Variants in RYR2 observed in about 807,000 individuals in gnomAD.
RYR2 encodes cardiac muscle ryanodine receptor-calcium release channel.
RYR2 carries 227 observed loss-of-function variants against 601.1 expected under a neutral mutation model. That is an observed-to-expected ratio of 0.38 (90% CI 0.34 to 0.42). The LOEUF (loss-of-function observed/expected upper bound fraction) is 0.42, where lower values mean the gene tolerates loss of function less well. Ranked by LOEUF, RYR2 falls within the 10% of genes least tolerant of loss-of-function variation. The pLI is 1.00. For synonymous variants in RYR2, 2,223 were observed against 2,175.1 expected (o/e 1.02, Z -0.61); for missense variants, 4,646 against 6,156.5 (o/e 0.75, Z 8.21).
At chr1:237,806,929 G>A (rs185812246) in intron 99 of RYR2, among the ~76,000 whole-genome samples, 29 of 152,180 alleles carry the variant, frequency 1.9e-4, no homozygotes, top group Non-Finnish European at 2.8e-4. Context: ...GCACTGATCC[G>A]TTCACTTGCT....
chr1:237,680,084 A>G (rs1573489695), intron 61 of RYR2, among the ~76,000 whole-genome samples: 1 of 152,226 alleles, frequency 6.6e-6, no homozygotes, highest in East Asian at 1.9e-4. Flanking sequence ...TACCCTACAG[A>G]GCAGTTGCTA....
chr1:237,346,157 G>A (rs1169782473), intron 3 of RYR2, among the ~76,000 whole-genome samples: 3 of 151,970 alleles, frequency 2.0e-5, no homozygotes, highest in African/African-American at 7.3e-5. Context: ...CTTGAGCCCA[G>A]GAGTTCGAGA....
intron 85 of RYR2, among the ~76,000 whole-genome samples, chr1:237,771,137 C>T (rs1047942972): frequency 5.3e-5 from 8 of 151,984 alleles, no homozygotes; most frequent in Admixed American, 2.6e-4. Context: ...AGGCTGGGTG[C>T]GGTGGCTCAC....
At chr1:237,216,820 T>C (rs180774978) in intron 1 of RYR2, among the ~76,000 whole-genome samples, 275 of 151,756 alleles carry the variant, frequency 1.8e-3, no homozygotes, top group Non-Finnish European at 3.1e-3. Context: ...ATGTGTTCAA[T>C]ATACTATATA....
intron 25 of RYR2, among the ~76,000 whole-genome samples, chr1:237,536,640 G>A (rs980711803): frequency 1.6e-4 from 24 of 150,324 alleles, no homozygotes; most frequent in Non-Finnish European, 2.9e-4. Flanking sequence ...GCGTGAATCC[G>A]GGAGGCGGAG....
intron 5 of RYR2, among the ~76,000 whole-genome samples, chr1:237,364,724 A>G (rs1700059068): frequency 6.6e-6 from 1 of 152,178 alleles, no homozygotes; most frequent in South Asian, 2.1e-4. Flanking sequence ...TAATTAGCTA[A>G]CATTAAGAAT....
chr1:237,428,688 G>T (rs553059272), intron 12 of RYR2, among the ~76,000 whole-genome samples: 177 of 150,574 alleles, frequency 1.2e-3, no homozygotes, highest in African/African-American at 3.8e-3. Flanking sequence ...GATAGGTGCC[G>T]CAAACCACCA....
chr1:237,168,356 T>G (rs1001050250), intron 1 of RYR2, among the ~76,000 whole-genome samples: 1 of 152,188 alleles, frequency 6.6e-6, no homozygotes, highest in East Asian at 1.9e-4. Flanking sequence ...GTTTAGAAAC[T>G]TCATATTAGA....
chr1:237,190,945 T>G (rs545817819), intron 1 of RYR2, among the ~76,000 whole-genome samples: 6 of 152,360 alleles, frequency 3.9e-5, no homozygotes, highest in African/African-American at 1.4e-4. Context: ...TATTTTTGTT[T>G]TTGTGGCCTA....
intron 1 of RYR2, among the ~76,000 whole-genome samples, chr1:237,079,820 A>T (rs1422899049): frequency 7.2e-6 from 1 of 138,674 alleles, no homozygotes; most frequent in African/African-American, 3.3e-5. Context: ...CGCATTGCCA[A>T]GTCAATCCTA....
intron 25 of RYR2, among the ~76,000 whole-genome samples, chr1:237,539,752 G>A (rs1392465218): frequency 6.6e-6 from 1 of 152,138 alleles, no homozygotes; most frequent in East Asian, 1.9e-4. Context: ...GGCTTCACAC[G>A]TAGTTGATGG....
intron 2 of RYR2, among the ~76,000 whole-genome samples, chr1:237,322,927 G>A (rs190558416): frequency 1.2e-3 from 181 of 151,616 alleles, no homozygotes; most frequent in African/African-American, 4.2e-3. Flanking sequence ...CGTGGCTAGA[G>A]GAACTGCAAC....
intron 1 of RYR2, among the ~76,000 whole-genome samples, chr1:237,056,735 TTGCATCTGTGAGGACTGGAGC>T (rs1662176474): frequency 1.5e-5 from 1 of 66,994 alleles, no homozygotes; most frequent in African/African-American, 5.8e-5. Context: ...GACTGGAGCA[TTGCATCTGTGAGGACTGGAGC>T]ACTGCACCTG....
chr1:237,791,825 T>G, intron 93 of RYR2: 1 of 570,680 alleles, frequency 1.8e-6, no homozygotes, highest in Non-Finnish European at 3.1e-6. Flanking sequence ...TTATATTACA[T>G]TCTTTTGTAA....
At chr1:237,109,918 C>G (rs1166817356) in intron 1 of RYR2, among the ~76,000 whole-genome samples, 2 of 151,874 alleles carry the variant, frequency 1.3e-5, no homozygotes, top group African/African-American at 4.8e-5. Context: ...GAAAACTGCC[C>G]AAAATAACAG....
At chr1:237,699,320 T>C (rs894649544) in intron 64 of RYR2, among the ~76,000 whole-genome samples, 2 of 152,134 alleles carry the variant, frequency 1.3e-5, no homozygotes, top group African/African-American at 4.8e-5. Flanking sequence ...ACTCTAGAGA[T>C]CTTGTTAGCT....
intron 1 of RYR2, among the ~76,000 whole-genome samples, chr1:237,213,735 T>A (rs188640202): frequency 8.4e-4 from 128 of 152,128 alleles, no homozygotes; most frequent in Non-Finnish European, 9.7e-4. Context: ...TAGTCATATA[T>A]GTTTATCTCA....
intron 40 of RYR2, among the ~76,000 whole-genome samples, chr1:237,627,548 A>G (rs1376445315): frequency 1.3e-5 from 2 of 152,230 alleles, no homozygotes; most frequent in Non-Finnish European, 2.9e-5. Flanking sequence ...AAAAAGTGAT[A>G]TAACTGTAGC....
At chr1:237,152,160 C>T (rs1379666370) in intron 1 of RYR2, among the ~76,000 whole-genome samples, 12 of 152,150 alleles carry the variant, frequency 7.9e-5, no homozygotes, top group African/African-American at 2.4e-4. Context: ...CAGCTTCATC[C>T]ATGTCTCTGC....
Sources: gnomAD v4.1 joint callset for allele counts (sites outside exome capture counted in the v4.1 genomes callset) on GRCh38, gnomAD v4.1.1 for gene constraint, MANE v1.5 for transcripts, NCBI Gene and HGNC (gene_info 2026-07-23, HGNC 2026-07-21) for gene names.